Variants in LGR5 observed in about 807,000 individuals in gnomAD.
The protein encoded by LGR5 is leucine rich repeat containing G protein-coupled receptor 5.
Under a neutral mutation model 76.7 loss-of-function variants are expected in LGR5, and 54 were observed. That is an observed-to-expected ratio of 0.70 (90% CI 0.57 to 0.88). The LOEUF is 0.88. LGR5 is among the 40% of genes least tolerant of loss of function. The pLI is 0.00. For synonymous variants in LGR5, 406 were observed against 421.9 expected, an observed-to-expected ratio of 0.96 and a Z score of 0.46; for missense variants, 1,078 against 1,073.3, an observed-to-expected ratio of 1.00 and a Z score of -0.06.
chr12:71,493,310 C>T (rs73340156), intron 1 of LGR5, among the ~76,000 whole-genome samples: 3,638 of 151,130 alleles, frequency 0.024, 354 homozygotes, highest in African/African-American at 0.085. Flanking sequence ...CATTTGTGTA[C>T]GTCTCTGGGT....
At chr12:71,450,175 C>T (rs1341823528) in intron 1 of LGR5, among the ~76,000 whole-genome samples, 1 of 152,214 alleles carries the variant, frequency 6.6e-6, no homozygotes. Context: ...CAGCCCAGTA[C>T]TACTTCTTGG....
intron 1 of LGR5, among the ~76,000 whole-genome samples, chr12:71,495,694 A>G (rs1874281743): frequency 6.6e-6 from 1 of 151,176 alleles, no homozygotes; most frequent in Admixed American, 6.6e-5. Flanking sequence ...TCAACTCTGA[A>G]ATATCAAGGC....
intron 1 of LGR5, among the ~76,000 whole-genome samples, chr12:71,450,481 C>CT (rs1301697092): frequency 1.3e-5 from 2 of 152,072 alleles, no homozygotes; most frequent in African/African-American, 4.8e-5. Context: ...CTTCTTTTTT[C>CT]TTTTTTTGGT....
At chr12:71,513,476 C>T (rs1276399023) in intron 2 of LGR5, among the ~76,000 whole-genome samples, 3 of 152,026 alleles carry the variant, frequency 2.0e-5, no homozygotes, top group African/African-American at 7.2e-5. Flanking sequence ...TAATTAAAAA[C>T]CCCCAATTTG....
At chr12:71,454,347 A>G (rs1429556698) in intron 1 of LGR5, among the ~76,000 whole-genome samples, 1 of 152,212 alleles carries the variant, frequency 6.6e-6, no homozygotes, top group East Asian at 1.9e-4. Context: ...ACCGTCAGAC[A>G]TCTACTACAT....
At chr12:71,442,817 T>C (rs1871824804) in intron 1 of LGR5, among the ~76,000 whole-genome samples, 1 of 152,194 alleles carries the variant, frequency 6.6e-6, no homozygotes, top group Non-Finnish European at 1.5e-5. Context: ...TCTTCACTTG[T>C]GCAGCCAAAA....
At chr12:71,524,129 T>C (rs981825744) in intron 2 of LGR5, among the ~76,000 whole-genome samples, 4 of 152,230 alleles carry the variant, frequency 2.6e-5, no homozygotes, top group Non-Finnish European at 4.4e-5. Flanking sequence ...TAAAAATTGT[T>C]TAAAGGACAG....
At chr12:71,566,994 C>A in intron 11 of LGR5, 82 bp downstream of exon 11, 1 of 1,124,254 alleles carries the variant, frequency 8.9e-7, no homozygotes, top group Non-Finnish European at 1.4e-6. Flanking sequence ...TTTCAATAAT[C>A]TCTTTAAAAG....
chr12:71,492,621 C>A (rs931151874), intron 1 of LGR5, among the ~76,000 whole-genome samples: 10 of 152,138 alleles, frequency 6.6e-5, no homozygotes, highest in African/African-American at 2.4e-4. Context: ...GAACCCCATT[C>A]ATGTTAATTA....
chr12:71,549,550 T>C (rs375802155), intron 4 of LGR5, among the ~76,000 whole-genome samples: 42 of 152,344 alleles, frequency 2.8e-4, no homozygotes, highest in East Asian at 1.9e-3. Context: ...CATCACATTG[T>C]ACACCATAAA....
intron 3 of LGR5, among the ~76,000 whole-genome samples, chr12:71,527,986 T>C (rs1038480621): frequency 6.6e-6 from 1 of 152,230 alleles, no homozygotes; most frequent in Non-Finnish European, 1.5e-5. Context: ...ATCAGTACTT[T>C]AATGTGTAAT....
At chr12:71,504,952 G>T (rs1476678605) in intron 2 of LGR5, among the ~76,000 whole-genome samples, 4 of 152,138 alleles carry the variant, frequency 2.6e-5, no homozygotes, top group East Asian at 1.9e-4. Context: ...TTAAAACAAA[G>T]CCTGTTTAAA....
intron 2 of LGR5, among the ~76,000 whole-genome samples, chr12:71,516,640 T>C (rs1875457084): frequency 6.6e-6 from 1 of 152,178 alleles, no homozygotes; most frequent in Non-Finnish European, 1.5e-5. Flanking sequence ...AAATAAAATC[T>C]TTTATATTAC....
chr12:71,559,434 C>A (rs762728455), intron 6 of LGR5, 152 bp from the exon 7 acceptor site: 2 of 572,906 alleles, frequency 3.5e-6, no homozygotes, highest in South Asian at 4.7e-5. Context: ...TGGTAGTCAG[C>A]AAGCCAAGAA....
chr12:71,452,239 C>T (rs1169907199), intron 1 of LGR5, among the ~76,000 whole-genome samples: 1 of 152,182 alleles, frequency 6.6e-6, no homozygotes, highest in Non-Finnish European at 1.5e-5. Flanking sequence ...TGTTTAATGG[C>T]AGTCACCTCC....
chr12:71,462,170 G>A (rs902476148), intron 1 of LGR5, among the ~76,000 whole-genome samples: 3 of 152,066 alleles, frequency 2.0e-5, no homozygotes, highest in Non-Finnish European at 4.4e-5. Flanking sequence ...ACCCAGGGAT[G>A]GGAAAACTCC....
intron 2 of LGR5, among the ~76,000 whole-genome samples, chr12:71,520,772 C>T (rs899058717): frequency 2.0e-5 from 3 of 151,976 alleles, no homozygotes; most frequent in African/African-American, 4.8e-5. Context: ...ATGTAAATAA[C>T]GAGTTGATGA....
At chr12:71,512,024 C>T (rs2137317827) in intron 2 of LGR5, among the ~76,000 whole-genome samples, 1 of 152,138 alleles carries the variant, frequency 6.6e-6, no homozygotes, top group East Asian at 1.9e-4. Context: ...CAAAGTCTCA[C>T]TCTGTCGCCC....
intron 1 of LGR5, among the ~76,000 whole-genome samples, chr12:71,445,707 G>C (rs1871959974): frequency 6.6e-6 from 1 of 151,408 alleles, no homozygotes; most frequent in Non-Finnish European, 1.5e-5. Context: ...AACTGGAACG[G>C]AGAAAAACGT....
Sources: gnomAD v4.1 joint callset for allele counts (sites outside exome capture counted in the v4.1 genomes callset) on GRCh38, gnomAD v4.1.1 for gene constraint, MANE v1.5 for transcripts, NCBI Gene and HGNC (gene_info 2026-07-23, HGNC 2026-07-21) for gene names.